Variants in HS3ST3B1 observed in about 807,000 individuals in gnomAD.
The protein encoded by HS3ST3B1 is heparan sulfate glucosamine 3-O-sulfotransferase 3B1.
A neutral mutation model predicts 21.3 loss-of-function variants in HS3ST3B1; 13 were observed. The ratio of observed to expected loss-of-function variants is 0.61; its 90% CI spans 0.40 to 0.97. The LOEUF (loss-of-function observed/expected upper bound fraction) is 0.97. Ranked by LOEUF, HS3ST3B1 falls within the 50% of genes least tolerant of loss-of-function variation. The pLI is 0.00. For missense variants in HS3ST3B1, 459 were observed against 554.8 expected, an observed-to-expected ratio of 0.83 and a Z score of 1.73; for synonymous variants, 234 against 254.8, an observed-to-expected ratio of 0.92 and a Z score of 0.78.
At chr17:14,341,870 G>A (rs930858634) in intron 1 of HS3ST3B1, among the ~76,000 whole-genome samples, 2 of 152,170 alleles carry the variant, frequency 1.3e-5, no homozygotes, top group African/African-American at 4.8e-5. Flanking sequence ...TTAGTCAAAT[G>A]CAAAATAAGT....
At chr17:14,334,314 T>G (rs1002815268) in intron 1 of HS3ST3B1, among the ~76,000 whole-genome samples, 3 of 151,860 alleles carry the variant, frequency 2.0e-5, no homozygotes, top group African/African-American at 7.3e-5. Context: ...CATTTATAGG[T>G]TCACAGCAAG....
rs1909010478 is a variant in HS3ST3B1, at chr17:14,303,401, C to T, written c.554+1329C>T. On this transcript the variant is annotated intron_variant, in intron 1 of 1. Transcript: ENST00000360954. This position sits in a 1 kb window ranked among gnomAD's most constrained non-coding sequence, Gnocchi z 5.7. ...CGGCTCCCTTCCCAGCCTCGTCCTA[C>T]CCCTTCCCCTTTGTCCTTAATGGTT... Among the ~76,000 whole-genome samples, 1 of 152,214 alleles carries T rather than the reference C, an allele frequency of 6.6e-6. No homozygotes were observed. The highest frequency in any genetic ancestry group is 1.5e-5 in the Non-Finnish European group (1 of 68,044).
At chr17:14,332,985 C>T (rs1275081331) in intron 1 of HS3ST3B1, among the ~76,000 whole-genome samples, 1 of 151,868 alleles carries the variant, frequency 6.6e-6, no homozygotes, top group Non-Finnish European at 1.5e-5. Context: ...ATGCTCCCTG[C>T]TCCCCAGGAA....
chr17:14,313,160 G>C (rs948961420), intron 1 of HS3ST3B1, among the ~76,000 whole-genome samples: 1 of 114,080 alleles, frequency 8.8e-6, no homozygotes, highest in African/African-American at 3.2e-5. Context: ...AGTAGAGACA[G>C]GGTTTCACCA....
At chr17:14,342,669 G>A (rs572697130) in intron 1 of HS3ST3B1, among the ~76,000 whole-genome samples, 2 of 152,024 alleles carry the variant, frequency 1.3e-5, no homozygotes, top group African/African-American at 4.8e-5. Flanking sequence ...ATACGTATTG[G>A]TGGCTCCATT....
At chr17:14,341,893 C>G (rs1795869656) in intron 1 of HS3ST3B1, among the ~76,000 whole-genome samples, 1 of 152,210 alleles carries the variant, frequency 6.6e-6, no homozygotes, top group African/African-American at 2.4e-5. Context: ...CGAGCCGAGA[C>G]TCTCTTTAAT....
chr17:14,315,062 A>G (rs1045599753), intron 1 of HS3ST3B1, among the ~76,000 whole-genome samples: 1 of 151,920 alleles, frequency 6.6e-6, no homozygotes, highest in Non-Finnish European at 1.5e-5. Flanking sequence ...CCTATTTTTT[A>G]CTTTTTTAGT....
intron 1 of HS3ST3B1, among the ~76,000 whole-genome samples, chr17:14,323,260 G>A (rs1318599096): frequency 3.9e-5 from 6 of 152,180 alleles, no homozygotes; most frequent in East Asian, 1.9e-4. Context: ...CCCTTTACTC[G>A]GATTCTCCAC....
intron 1 of HS3ST3B1, 146 bp downstream of exon 1, chr17:14,302,218 C>T: frequency 9.8e-7 from 1 of 1,021,308 alleles, no homozygotes; most frequent in Non-Finnish European, 1.4e-6. Context: ...TTGCGCAGCG[C>T]ATCCTGTCCG....
chr17:14,301,862 G>A lies in HS3ST3B1; in HGVS notation c.344G>A (p.Ser115Asn). Residue 115 changes from serine (S) to asparagine (N), a missense_variant, in exon 1 of 2, where the codon AGT (serine) becomes AAT (asparagine). Around this residue, in one of 3 missense-constraint regions of HS3ST3B1, gnomAD observed 317 missense variants for 278.6 expected, o/e 1.14. Transcript: ENST00000360954. ...AEGAASPEEQ[S>N]PEVPDSPSPI... ...GGCGCTGCGAGCCCGGAGGAGCAGA[G>A]TCCCGAGGTGCCGGACTCCCCAAGC... The A allele has an allele frequency of 1.2e-6, 2 of 1,600,744 alleles. No homozygotes were observed. Among genetic ancestry groups the A allele is most frequent in the Non-Finnish European group, 1.7e-6 (2 of 1,174,946 alleles).
intron 1 of HS3ST3B1, among the ~76,000 whole-genome samples, chr17:14,313,622 A>G (rs1482033697): frequency 7.9e-5 from 12 of 151,278 alleles, no homozygotes; most frequent in Admixed American, 5.9e-4. Flanking sequence ...CCAGGCTGGA[A>G]TGCAGTGGTG....
chr17:14,332,912 T>A (rs1370299527), intron 1 of HS3ST3B1, among the ~76,000 whole-genome samples: 1 of 150,500 alleles, frequency 6.6e-6, no homozygotes, highest in Non-Finnish European at 1.5e-5. Context: ...CTGAGAAGGG[T>A]TTTTCTTTTT....
rs1327996758 is a variant in HS3ST3B1 at position 14,301,600 on chromosome 17, C to G, written c.82C>G (p.Pro28Ala). ...ACCGCAGCCGCCGCCGCCCCCGCCGCCGGTGAGGAGGAAGCTCGCGCTGCT... is the reference window on the plus strand; with the variant it reads ...ACCGCAGCCGCCGCCGCCCCCGCCGGCGGTGAGGAGGAAGCTCGCGCTGCT... ...LLPQPPPPPP[P>A]VRRKLALLFA... Residue 28 changes from proline to alanine, a missense_variant, in exon 1 of 2, where the codon CCG (proline) becomes GCG (alanine). Coordinates refer to ENST00000360954, the MANE Select transcript of HS3ST3B1 (RefSeq NM_006041.3). 1 of 1,604,170 alleles carries G rather than the reference C, an allele frequency of 6.2e-7. No individual in the cohort carries two copies.
At position 14,349,129 on chromosome 17, in the gene HS3ST3B1, T is replaced by G. The variant is rs995620031; in HGVS notation, c.*3483T>G. 5 of 152,226 alleles carry G rather than the reference T, an allele frequency of 3.3e-5. No homozygotes were observed. Among genetic ancestry groups the G allele is most frequent in the Non-Finnish European group, 7.3e-5 (5 of 68,042 alleles). The allele number at this position is 152,226 out of a possible 1,614,324, so 9.4% of individuals were successfully genotyped here. A position where few individuals can be genotyped will look rare whatever the true frequency, so the allele number is the denominator to read the frequency against. On this transcript the variant is annotated 3_prime_UTR_variant, in exon 2 of 2. Transcript: ENST00000360954. ...TTATCAAGAGGATGGCCAATAAAAC[T>G]TAAAGGTGTGGTTAGATGTTTTCTC...
At position 14,325,798 on chromosome 17, in the gene HS3ST3B1, A is replaced by G. The variant is rs7222205; in HGVS notation, c.555-19230A>G. On this transcript the variant is annotated intron_variant, in intron 1 of 1. Coordinates refer to ENST00000360954, the MANE Select transcript of HS3ST3B1 (RefSeq NM_006041.3). ...AGTGCTGGCTCCCTGACGCCTAACA[A>G]AAGATTTTGATGCCGCCAACCTCCT... is the stretch of plus-strand genomic sequence containing the variant. Among the ~76,000 whole-genome samples, 999 of 152,316 alleles carry G rather than the reference A, an allele frequency of 6.6e-3. 12 individuals are homozygous for G. The highest frequency in any genetic ancestry group is 0.023 in the African/African-American group (953 of 41,572).
chr17:14,331,888 G>GCTTCC (rs1910025468), intron 1 of HS3ST3B1, among the ~76,000 whole-genome samples: 3 of 152,122 alleles, frequency 2.0e-5, no homozygotes, highest in Admixed American at 6.5e-5. Flanking sequence ...AAGGAAGGAG[G>GCTTCC]TTCCAGATAA....
intron 1 of HS3ST3B1, among the ~76,000 whole-genome samples, chr17:14,306,232 ACAC>A (rs1438710172): frequency 2.0e-5 from 3 of 152,296 alleles, no homozygotes; most frequent in South Asian, 2.1e-4. Flanking sequence ...GAGGATAATC[ACAC>A]CACCGTGTCA....
chr17:14,333,308 A>C (rs1910078863), intron 1 of HS3ST3B1, among the ~76,000 whole-genome samples: 1 of 151,952 alleles, frequency 6.6e-6, no homozygotes, highest in Non-Finnish European at 1.5e-5. Context: ...TCCACTAACA[A>C]TACAAAAAAT....
At chr17:14,317,167 A>G (rs1171651974) in intron 1 of HS3ST3B1, among the ~76,000 whole-genome samples, 1 of 152,248 alleles carries the variant, frequency 6.6e-6, no homozygotes, top group Admixed American at 6.5e-5. Flanking sequence ...CTATAAAGTT[A>G]CGTATCTTTT....
Sources: gnomAD v4.1 joint callset for allele counts (sites outside exome capture counted in the v4.1 genomes callset) on GRCh38, gnomAD v4.1.1 for gene constraint, gnomAD v4.1.1 regional missense constraint, Gnocchi (gnomAD v3.1) non-coding constraint, MANE v1.5 for transcripts, NCBI Gene and HGNC (gene_info 2026-07-23, HGNC 2026-07-21) for gene names.